NAPA: variants seen among roughly 807,000 people sequenced by gnomAD.
NAPA encodes NSF attachment protein alpha.
A neutral mutation model predicts 48.0 loss-of-function variants in NAPA; 18 were observed. The ratio of observed to expected loss-of-function variants is 0.38; its 90% CI spans 0.26 to 0.56. The LOEUF (loss-of-function observed/expected upper bound fraction) is 0.56. NAPA is among the 20% of genes least tolerant of loss of function. The pLI, the probability that NAPA is intolerant of heterozygous loss-of-function variation, is 0.77. For missense variants in NAPA, 315 were observed against 385.0 expected, an observed-to-expected ratio of 0.82 and a Z score of 1.52; for synonymous variants, 152 against 149.9, an observed-to-expected ratio of 1.01 and a Z score of -0.10.
chr19:47,485,957 G>T (rs1968062663), downstream of NAPA, among the ~76,000 whole-genome samples: 1 of 152,214 alleles, frequency 6.6e-6, no homozygotes, highest in Non-Finnish European at 1.5e-5. Flanking sequence ...CACATGTTGA[G>T]CGGATGAATG....
In NAPA at chr19:47,503,409, C is replaced by G. The variant is rs775031105; in HGVS notation, c.178+14G>C. On this transcript the variant is annotated intron_variant, in intron 2 of 10. Transcript: ENST00000263354. The stretch of plus-strand genomic sequence containing the variant: ...GGAGAGCACCTTGGAGGAGCTCTAG[C>G]GGAGATGACATACCACTCCAGTTTT... The G allele has an allele frequency of 1.2e-5, 19 of 1,609,894 alleles. No homozygotes were observed. Among genetic ancestry groups the G allele is most frequent in the Non-Finnish European group, 1.4e-5 (17 of 1,176,096 alleles).
chr19:47,498,694 C>T (rs1442239483), intron 3 of NAPA, among the ~76,000 whole-genome samples: 1 of 152,190 alleles, frequency 6.6e-6, no homozygotes, highest in Non-Finnish European at 1.5e-5. Context: ...ACTGAAATTA[C>T]AGGCATGAGC....
Position 47,515,036 on chromosome 19 carries a change from C to A in NAPA, c.-96G>T, listed in dbSNP as rs760340192. ...GGAACACAGATCGGTAAAACTCGCC[C>A]GGCTGCGTTGACGTCGCACCGGCGC... On this transcript the variant is annotated 5_prime_UTR_variant, in exon 1 of 11. Transcript: ENST00000263354. 4.7e-5 allele frequency: 60 copies of A among 1,289,234 alleles called. 1 individual carries two copies. Among genetic ancestry groups the A allele is most frequent in the Non-Finnish European group, 6.0e-5 (56 of 930,408 alleles). The allele number at this position is 1,289,234 out of a possible 1,614,324, so 79.9% of individuals were successfully genotyped here. A position where few individuals can be genotyped will look rare whatever the true frequency, so the allele number is the denominator to read the frequency against.
intron 10 of NAPA, 34 bp from the exon 11 acceptor site, chr19:47,488,423 T>TC (rs1231361564): frequency 1.3e-6 from 2 of 1,549,696 alleles, no homozygotes; most frequent in Non-Finnish European, 1.8e-6. Flanking sequence ...CTGGCCATGC[T>TC]CCCCCCGTTC....
chr19:47,492,489 CCT>C (rs2122731655), intron 7 of NAPA: 2 of 388,700 alleles, frequency 5.1e-6, no homozygotes, highest in East Asian at 6.0e-5. Flanking sequence ...GGCGCCCGCC[CCT>C]CTCTCCCAGG....
At chr19:47,490,234 AGT>A (rs1414857934) in intron 9 of NAPA, among the ~76,000 whole-genome samples, 16 of 105,928 alleles carry the variant, frequency 1.5e-4, no homozygotes, top group Admixed American at 8.7e-4. Flanking sequence ...GTGTGTGTGC[AGT>A]GTGTTTTGTG....
At chr19:47,501,750 C>T (rs755999198) in intron 2 of NAPA, among the ~76,000 whole-genome samples, 2 of 152,106 alleles carry the variant, frequency 1.3e-5, no homozygotes, top group East Asian at 1.9e-4. Context: ...TCCTCCTCCT[C>T]GTGCAGCTGA....
chr19:47,498,458 G>A (rs1263433486), intron 3 of NAPA, among the ~76,000 whole-genome samples: 6 of 152,176 alleles, frequency 3.9e-5, no homozygotes, highest in Non-Finnish European at 5.9e-5. Context: ...AGCAGTCTCT[G>A]CTTTAACAGA....
At chr19:47,513,772 C>T (rs1008014488) in intron 1 of NAPA, among the ~76,000 whole-genome samples, 9 of 151,640 alleles carry the variant, frequency 5.9e-5, no homozygotes, top group Non-Finnish European at 8.8e-5. Context: ...GGCCAAGCCA[C>T]CACCACGCAT....
At chr19:47,513,792 C>G (rs1274609250) in intron 1 of NAPA, among the ~76,000 whole-genome samples, 1 of 151,552 alleles carries the variant, frequency 6.6e-6, no homozygotes, top group African/African-American at 2.4e-5. Context: ...TTCCCCCACC[C>G]AGGAGTCTCC....
intron 3 of NAPA, among the ~76,000 whole-genome samples, chr19:47,500,382 T>G (rs962794011): frequency 5.9e-5 from 9 of 151,872 alleles, no homozygotes; most frequent in Admixed American, 4.6e-4. Flanking sequence ...TGGGAAGGGG[T>G]GATCAGCTGC....
chr19:47,503,907 C>T (rs754840314), intron 1 of NAPA, among the ~76,000 whole-genome samples: 2 of 152,208 alleles, frequency 1.3e-5, no homozygotes, highest in South Asian at 2.1e-4. Flanking sequence ...TTTAAGACAT[C>T]GTGTTGCTTT....
In NAPA at chr19:47,493,859, G is replaced by A. The variant is rs915003092; in HGVS notation, c.343-366C>T. ...AGCCTCTGATAACAGCCAGAGAGGC[G>A]GAAGGACCAGTCCAGAGCCACTTGG... On this transcript the variant is annotated intron_variant, in intron 4 of 10. Transcript: ENST00000263354. The surrounding 1 kb of genome is among the most constrained non-coding windows in gnomAD (Gnocchi z 6.4). Among the ~76,000 whole-genome samples, 9 of 152,180 alleles carry A rather than the reference G, an allele frequency of 5.9e-5. No homozygotes were observed. Among genetic ancestry groups the A allele is most frequent in the Admixed American group, 2.0e-4 (3 of 15,286 alleles).
At chr19:47,503,113 A>T (rs1253257460) in intron 2 of NAPA, among the ~76,000 whole-genome samples, 3 of 152,238 alleles carry the variant, frequency 2.0e-5, no homozygotes, top group Non-Finnish European at 4.4e-5. Flanking sequence ...AGCACTAAGG[A>T]AGTTACCAGG....
At chr19:47,489,418 T>C (rs1189589238) in intron 10 of NAPA, 3 of 465,802 alleles carry the variant, frequency 6.4e-6, no homozygotes, top group African/African-American at 5.8e-5. Context: ...GGAACCCTGG[T>C]CTTCAGAGGC....
chr19:47,495,217 C>T, intron 4 of NAPA: 1 of 367,980 alleles, frequency 2.7e-6, no homozygotes, highest in East Asian at 4.8e-5. Context: ...TGGTCTCGAA[C>T]TCCTGTGCCC....
chr19:47,508,702 T>C (rs1226824928), intron 1 of NAPA, among the ~76,000 whole-genome samples: 3 of 151,706 alleles, frequency 2.0e-5, no homozygotes, highest in Non-Finnish European at 4.4e-5. Context: ...GGGGTCTCCC[T>C]GTGTTGCCTA....
At chr19:47,495,401 G>A in intron 4 of NAPA, 149 bp downstream of exon 4, 1 of 864,454 alleles carries the variant, frequency 1.2e-6, no homozygotes, top group Non-Finnish European at 1.9e-6. Flanking sequence ...GCCAGCTCAG[G>A]TGACCTAATC....
At chr19:47,489,343 G>A (rs1234155039) in intron 10 of NAPA, 7 of 267,190 alleles carry the variant, frequency 2.6e-5, no homozygotes, top group Admixed American at 4.6e-5. Context: ...TTCCCTCCCC[G>A]TCTGTGCCTC....
Sources: allele counts gnomAD v4.1 joint callset (sites outside exome capture counted in the v4.1 genomes callset), GRCh38; gene constraint gnomAD v4.1.1; non-coding constraint Gnocchi (gnomAD v3.1); transcripts MANE v1.5; gene names NCBI Gene and HGNC (gene_info 2026-07-23, HGNC 2026-07-21).